ATG7: variants seen among roughly 807,000 people sequenced by gnomAD.
ATG7 encodes the protein ubiquitin-like modifier-activating enzyme ATG7.
ATG7 carries 70 observed loss-of-function variants against 82.4 expected under a neutral mutation model. The ratio of observed to expected loss-of-function variants is 0.85; its 90% CI spans 0.70 to 1.04. ATG7 has a LOEUF of 1.04. ATG7 is among the 50% of genes least tolerant of loss of function. The probability of loss-of-function intolerance (pLI) is 0.00; values close to 1 mark genes in which losing one functional copy is unlikely to be tolerated. For missense variants in ATG7, 792 were observed against 864.3 expected (o/e 0.92, Z 1.05); for synonymous variants, 287 against 313.0 (o/e 0.92, Z 0.88).
intron 20 of ATG7, among the ~76,000 whole-genome samples, chr3:11,443,587 A>G (rs1418361822): frequency 2.0e-5 from 3 of 152,062 alleles, no homozygotes; most frequent in African/African-American, 7.2e-5. Flanking sequence ...GGGTTTTGCC[A>G]TGTTGCCCAG....
chr3:11,376,824 C>T (rs372530056), intron 18 of ATG7, among the ~76,000 whole-genome samples: 16 of 152,098 alleles, frequency 1.1e-4, no homozygotes, highest in African/African-American at 3.9e-4. Context: ...CTGCAAGCTC[C>T]ACCTCCCGGG....
intron 3 of ATG7, among the ~76,000 whole-genome samples, chr3:11,287,386 G>A (rs929326077): frequency 3.3e-5 from 5 of 152,184 alleles, no homozygotes; most frequent in Non-Finnish European, 7.3e-5. Context: ...CAAGGTGAGG[G>A]AGAACAGGGA....
intron 9 of ATG7, among the ~76,000 whole-genome samples, chr3:11,326,035 C>G (rs1448059293): frequency 6.6e-6 from 1 of 152,138 alleles, no homozygotes; most frequent in Non-Finnish European, 1.5e-5. Context: ...TTCTATGATT[C>G]TGGAGCCTGA....
rs1361525312 is a variant in ATG7, at chr3:11,490,123, T to C, written c.2079+63197T>C. 2.0e-5 allele frequency among the ~76,000 whole-genome samples: 3 copies of C among 152,154 alleles called. No individual in the cohort carries two copies. The South Asian group carries it at 6.2e-4, about 32-fold the overall frequency. On this transcript the variant is annotated intron_variant, in intron 20 of 20. Coordinates refer to ENST00000693202, the MANE Select transcript of ATG7 (RefSeq NM_001349232.2). ...TTGTGTGGGAGTCTAAGTCTCTTTG[T>C]AGGTCACTCAGGACTTGCTTTATGA... is the stretch of plus-strand genomic sequence containing the variant.
chr3:11,304,170 A>G (rs1947328957), intron 5 of ATG7, among the ~76,000 whole-genome samples: 1 of 152,352 alleles, frequency 6.6e-6, no homozygotes. Context: ...TCTTGCCCTC[A>G]AAGAACTGAA....
chr3:11,275,215 G>A (rs960781994), intron 1 of ATG7, among the ~76,000 whole-genome samples: 1 of 152,116 alleles, frequency 6.6e-6, no homozygotes, highest in African/African-American at 2.4e-5. Flanking sequence ...GAATTGAGCA[G>A]TAACAAAATT....
downstream of ATG7, chr3:11,559,492 C>T: frequency 2.0e-6 from 3 of 1,517,358 alleles, no homozygotes; most frequent in Non-Finnish European, 2.7e-6. Context: ...TGGAGACCAG[C>T]TTCAGTACCG....
At chr3:11,413,469 T>C (rs2081100558) in intron 19 of ATG7, among the ~76,000 whole-genome samples, 1 of 152,190 alleles carries the variant, frequency 6.6e-6, no homozygotes. Flanking sequence ...GTGTGTTACA[T>C]TGGTTTTTCG....
chr3:11,548,186 T>C (rs74606893), intron 20 of ATG7, among the ~76,000 whole-genome samples: 290 of 152,306 alleles, frequency 1.9e-3, no homozygotes, highest in African/African-American at 6.6e-3. Flanking sequence ...TATTATTGCG[T>C]TGTAAATGGC....
chr3:11,435,039 A>C (rs1205421862), intron 20 of ATG7, among the ~76,000 whole-genome samples: 1 of 152,236 alleles, frequency 6.6e-6, no homozygotes, highest in Non-Finnish European at 1.5e-5. Flanking sequence ...AATGCTTTTC[A>C]ACTCTAATTT....
At chr3:11,431,734 GTC>G (rs755202654) in intron 20 of ATG7, among the ~76,000 whole-genome samples, 9 of 152,308 alleles carry the variant, frequency 5.9e-5, no homozygotes, top group Non-Finnish European at 1.2e-4. Flanking sequence ...TAAAGAAAAA[GTC>G]TCAATGCTAT....
At chr3:11,400,650 C>A (rs564992539) in intron 19 of ATG7, among the ~76,000 whole-genome samples, 2 of 152,028 alleles carry the variant, frequency 1.3e-5, no homozygotes, top group Admixed American at 6.6e-5. Flanking sequence ...CAAACCTGTA[C>A]CTGGGATATG....
At chr3:11,528,690 G>C (rs1157901785) in intron 20 of ATG7, among the ~76,000 whole-genome samples, 1 of 151,962 alleles carries the variant, frequency 6.6e-6, no homozygotes, top group Non-Finnish European at 1.5e-5. Flanking sequence ...GCCGGGCATG[G>C]TGGTGCGCAC....
At chr3:11,491,472 C>T (rs534609343) in intron 20 of ATG7, among the ~76,000 whole-genome samples, 114 of 152,344 alleles carry the variant, frequency 7.5e-4, no homozygotes, top group Admixed American at 4.2e-3. Context: ...TCTCTCAACT[C>T]GTCAAAGTCA....
rs149362872 is a variant in ATG7 at position 11,278,400 on chromosome 3, T to C, written c.-365-2594T>C. Among the ~76,000 whole-genome samples, 164 of 152,392 alleles carry C rather than the reference T, an allele frequency of 1.1e-3. 1 individual carries two copies. The highest frequency in any genetic ancestry group is 3.7e-3 in the African/African-American group (153 of 41,600). On this transcript the variant is annotated intron_variant, in intron 1 of 20. Transcript: ENST00000693202. ...GAACTGATATATGTCCATATTAAAA[T>C]GAAATCTTCGCAATTTATGTTTCTC... is the stretch of plus-strand genomic sequence containing the variant.
At chr3:11,440,502 T>A (rs2083806853) in intron 20 of ATG7, among the ~76,000 whole-genome samples, 1 of 148,250 alleles carries the variant, frequency 6.7e-6, no homozygotes, top group South Asian at 2.1e-4. Flanking sequence ...TTTTTTGTAT[T>A]TTTAGTAGAG....
At position 11,490,173 on chromosome 3, in the gene ATG7, C is replaced by T. The variant is rs1441444397; in HGVS notation, c.2079+63247C>T. Among the ~76,000 whole-genome samples the T allele has an allele frequency of 3.3e-5, 5 of 152,158 alleles. No individual in the cohort carries two copies. The East Asian group carries it at 9.6e-4, about 29-fold the overall frequency. The stretch of plus-strand genomic sequence containing the variant: ...AATCTAGGTGCTCCTGTATTGGGTG[C>T]ATATATATTTACGATAGTTAGCTCT... On this transcript the variant is annotated intron_variant, in intron 20 of 20. Transcript: ENST00000693202.
At chr3:11,454,384 A>G (rs2085493043) in intron 20 of ATG7, among the ~76,000 whole-genome samples, 1 of 152,212 alleles carries the variant, frequency 6.6e-6, no homozygotes. Context: ...ATGAGGTATG[A>G]TGAAACTTTG....
chr3:11,471,327 C>T (rs1307641510), intron 20 of ATG7, among the ~76,000 whole-genome samples: 4 of 152,152 alleles, frequency 2.6e-5, no homozygotes, highest in African/African-American at 9.7e-5. Flanking sequence ...GTCTTCAAGC[C>T]TTCATTCTTC....
Sources: allele counts gnomAD v4.1 joint callset (sites outside exome capture counted in the v4.1 genomes callset), GRCh38; gene constraint gnomAD v4.1.1; transcripts MANE v1.5; gene names NCBI Gene and HGNC (gene_info 2026-07-23, HGNC 2026-07-21).